EXPH5: variants seen among roughly 807,000 people sequenced by gnomAD.
EXPH5 encodes exophilin-5.
EXPH5 carries 42 observed loss-of-function variants against 41.1 expected under a neutral mutation model. The ratio of observed to expected loss-of-function variants is 1.02; its 90% CI spans 0.80 to 1.32. EXPH5 has a LOEUF of 1.32. Ranked by LOEUF, EXPH5 falls within the 40% of genes most tolerant of loss-of-function variation. The pLI is 0.00. For missense variants in EXPH5, 2,298 were observed against 2,314.5 expected (o/e 0.99, Z 0.15); for synonymous variants, 798 against 833.5 (o/e 0.96, Z 0.73).
Position 108,511,634 on chromosome 11 carries a change from G to T in EXPH5, c.3873C>A (p.Asn1291Lys). 6.2e-7 allele frequency: 1 copy of T among 1,610,024 alleles called. No homozygotes were observed. The highest frequency in any genetic ancestry group is 2.2e-5 in the East Asian group (1 of 44,868). ...AATTCTGTTTGTCTTTTTCTAAAGC[G>T]TTAGGAAATGTTTCAGTCTCCACTT... ...SPQVETETFP[N>K]ALEKDKQNYS... Residue 1291 changes from asparagine (N) to lysine (K), a missense_variant, in exon 6 of 6, where the codon AAC (asparagine) becomes AAA (lysine). Coordinates refer to ENST00000265843, the MANE Select transcript of EXPH5 (RefSeq NM_015065.3).
intron 1 of EXPH5, among the ~76,000 whole-genome samples, chr11:108,575,292 C>T (rs1054222929): frequency 2.0e-5 from 3 of 152,196 alleles, no homozygotes; most frequent in Non-Finnish European, 4.4e-5. Flanking sequence ...AAGGCCTTCC[C>T]GCACTGCCAG....
At chr11:108,604,406 C>CG in the EXPH5 span, among the ~76,000 whole-genome samples, 6 of 151,574 alleles carry the variant, frequency 4.0e-5, no homozygotes, top group Non-Finnish European at 5.9e-5. Flanking sequence ...AAAAGAAAGG[C>CG]GGGGGGTGGG....
chr11:108,547,692 A>C (rs1027105610), intron 1 of EXPH5, among the ~76,000 whole-genome samples: 1 of 151,830 alleles, frequency 6.6e-6, no homozygotes, highest in African/African-American at 2.4e-5. Flanking sequence ...ATTTTTAAGA[A>C]TCTTTCTTTG....
intron 1 of EXPH5, among the ~76,000 whole-genome samples, chr11:108,570,083 TA>T (rs1451056511): frequency 6.6e-6 from 1 of 152,010 alleles, no homozygotes; most frequent in African/African-American, 2.4e-5. Flanking sequence ...GCCAAGAGAG[TA>T]ACTAGGGCCT....
intron 1 of EXPH5, among the ~76,000 whole-genome samples, chr11:108,579,794 G>A (rs919998525): frequency 3.3e-5 from 5 of 152,126 alleles, no homozygotes; most frequent in African/African-American, 1.2e-4. Flanking sequence ...CCAGAAATGA[G>A]CATTGGTGCA....
chr11:108,514,815 C>A lies in EXPH5; in HGVS notation c.692G>T (p.Arg231Ile), dbSNP rs747127393. Residue 231 changes from arginine to isoleucine, a missense_variant, in exon 6 of 6, where the codon AGA becomes ATA. Physicochemically the swap from Arg to Ile is moderately conservative, Grantham distance 97. Transcript: ENST00000265843. ...TCTTGATCCATAGTTGAGGGGTGTT[C>A]TGGTATTCACTGAGCTTGCAGACTG... ...QEQSASSVNTRTPLNYGSRTQ... is the reference protein window; with the variant it reads ...QEQSASSVNTITPLNYGSRTQ... 4 of 1,573,762 alleles carry A rather than the reference C, an allele frequency of 2.5e-6. No homozygotes were observed. The highest frequency in any genetic ancestry group is 3.4e-6 in the Non-Finnish European group (4 of 1,165,876).
chr11:108,592,494 G>A (rs1246070770), intron 1 of EXPH5, among the ~76,000 whole-genome samples: 4 of 152,160 alleles, frequency 2.6e-5, no homozygotes, highest in African/African-American at 9.7e-5. Flanking sequence ...ACACAGTGTG[G>A]TCTGAGAGTG....
chr11:108,566,872 G>C (rs114657849), intron 1 of EXPH5, among the ~76,000 whole-genome samples: 1 of 152,020 alleles, frequency 6.6e-6, no homozygotes, highest in Non-Finnish European at 1.5e-5. Context: ...GTCTTTTGCC[G>C]GTCACTCAAC....
rs751194873 is a variant in EXPH5, at chr11:108,509,697, C to G, written c.5810G>C (p.Ser1937Thr). 8 of 1,613,064 alleles carry G rather than the reference C, an allele frequency of 5.0e-6. No homozygotes were observed. The African/African-American group carries it at 9.4e-5, about 19-fold the overall frequency. ...CACCTGACTACTGGGAGAATTTGAG[C>G]TTAATGACTCTGAGGGGTTGGGAGG... ...RNPPNPSESL[S>T]SNSPSSQVPE... Residue 1937 changes from serine (S) to threonine (T), a missense_variant, in exon 6 of 6, where the codon AGC becomes ACC. Transcript: ENST00000265843.
chr11:108,592,644 G>A (rs528349746), intron 1 of EXPH5, among the ~76,000 whole-genome samples: 44 of 152,280 alleles, frequency 2.9e-4, no homozygotes, highest in Middle Eastern at 3.4e-3. Flanking sequence ...TGTACATCCT[G>A]GGTAATTATC....
In EXPH5 at chr11:108,514,022, T is replaced by A. The variant is rs771397345; in HGVS notation, c.1485A>T (p.Arg495=). 1.2e-6 allele frequency: 2 copies of A among 1,613,996 alleles called. No individual in the cohort carries two copies. Among genetic ancestry groups the A allele is most frequent in the East Asian group, 4.5e-5 (2 of 44,894 alleles). Residue 495 remains arginine (R), a synonymous_variant, in exon 6 of 6, where the codon CGA becomes CGT. Coordinates refer to ENST00000265843, the MANE Select transcript of EXPH5 (RefSeq NM_015065.3). Reference sequence around the variant, plus strand: ...CAGAAGAACTGAATGATTTCCTGCTTCGATGAAAGTCAGACCAGAAAGAAT... The same window carrying A: ...CAGAAGAACTGAATGATTTCCTGCTACGATGAAAGTCAGACCAGAAAGAAT... ...KGHSFWSDFH[R]SRKSFSSSDR...
At chr11:108,558,940 G>A (rs890193458) in intron 1 of EXPH5, among the ~76,000 whole-genome samples, 3 of 152,130 alleles carry the variant, frequency 2.0e-5, no homozygotes, top group African/African-American at 2.4e-5. Context: ...AGTCACGAAA[G>A]GTGAAAACAC....
rs2640779 is a variant in EXPH5 at position 108,510,520 on chromosome 11, C to T, written c.4987G>A (p.Gly1663Arg). ...TTCTCGGATTTCTTCACATGCTTTC[C>T]GTTCTCACTCAACCTGCTTTCGCCA... ...SIGESRLSEN[G>R]KHVKKSENLL... The change falls in exon 6 of 6, where the codon GGA becomes AGA. Residue 1663 changes from glycine (G) to arginine (R), a missense_variant. Gly to Arg is a moderately radical substitution (Grantham distance 125). Transcript: ENST00000265843. 415,040 of 1,613,818 alleles carry T rather than the reference C, an allele frequency of 0.26. 60,951 individuals carry two copies. Among genetic ancestry groups the T allele is most frequent in the East Asian group, 0.65 (29,061 of 44,862 alleles).
the EXPH5 span, among the ~76,000 whole-genome samples, chr11:108,601,148 A>G: frequency 0.058 from 8,834 of 152,270 alleles, 342 homozygotes; most frequent in Middle Eastern, 0.082. Context: ...AGAAAATGTC[A>G]ACCCTCTTGG....
intron 1 of EXPH5, among the ~76,000 whole-genome samples, chr11:108,542,572 G>A (rs2093918363): frequency 6.6e-6 from 1 of 152,126 alleles, no homozygotes; most frequent in South Asian, 2.1e-4. Flanking sequence ...GTTGAACAAT[G>A]TTAATCAATT....
In EXPH5 at chr11:108,512,366, A is replaced by G. The variant is rs754353725; in HGVS notation, c.3141T>C (p.Asn1047=). The G allele has an allele frequency of 5.6e-6, 9 of 1,610,550 alleles. No homozygotes were observed. The East Asian group carries it at 1.8e-4, about 32-fold the overall frequency. The change falls in exon 6 of 6, where the codon AAT becomes AAC. Residue 1047 remains asparagine, a synonymous_variant. Coordinates refer to ENST00000265843, the MANE Select transcript of EXPH5 (RefSeq NM_015065.3). ...GSKIMAASLR[N]GPPPFQIKNN... is the part of the protein sequence containing the mutation. ...TTTTGATTTGGAAGGGAGGTGGCCCATTCCTCAATGAAGCAGCCATTATTT... is the reference window on the plus strand; with the variant it reads ...TTTTGATTTGGAAGGGAGGTGGCCCGTTCCTCAATGAAGCAGCCATTATTT...
At chr11:108,598,598 G>C (rs565264825), upstream of EXPH5, among the ~76,000 whole-genome samples, 1 of 152,236 alleles carries the variant, frequency 6.6e-6, no homozygotes, top group East Asian at 1.9e-4. Context: ...GGGTAGTTGG[G>C]AAGGGTACCC....
intron 1 of EXPH5, among the ~76,000 whole-genome samples, chr11:108,579,042 T>C (rs1215351251): frequency 1.3e-5 from 2 of 152,232 alleles, no homozygotes; most frequent in Non-Finnish European, 2.9e-5. Flanking sequence ...AGTATTCTGT[T>C]GAACTAAAAG....
At position 108,560,763 on chromosome 11, in the gene EXPH5, G is replaced by A. The variant is rs544761471; in HGVS notation, c.120-18951C>T. Among the ~76,000 whole-genome samples, 200 of 152,220 alleles carry A rather than the reference G, an allele frequency of 1.3e-3. 1 individual carries two copies. The highest frequency in any genetic ancestry group is 6.8e-3 in the Middle Eastern group (2 of 294). On this transcript the variant is annotated intron_variant, in intron 1 of 5. Coordinates refer to ENST00000265843, the MANE Select transcript of EXPH5 (RefSeq NM_015065.3). ...ATGAAATACTGCCAGCAGTACAAAC[G>A]CAAGTGTCTACTCCAAATTATGTAA...
Sources: gnomAD v4.1 joint callset for allele counts (sites outside exome capture counted in the v4.1 genomes callset) on GRCh38, gnomAD v4.1.1 for gene constraint, MANE v1.5 for transcripts, NCBI Gene and HGNC (gene_info 2026-07-23, HGNC 2026-07-21) for gene names.